RHBDD1: variants seen among roughly 807,000 people sequenced by gnomAD.
RHBDD1 encodes the protein rhomboid-related protein 4.
A neutral mutation model predicts 36.3 loss-of-function variants in RHBDD1; 38 were observed. That is an observed-to-expected ratio of 1.05 (90% confidence interval 0.81 to 1.37). The LOEUF (loss-of-function observed/expected upper bound fraction) is 1.37. Ranked by LOEUF, RHBDD1 falls within the 40% of genes most tolerant of loss-of-function variation. The probability of loss-of-function intolerance (pLI) is 0.00; values close to 1 mark genes in which losing one functional copy is unlikely to be tolerated. For synonymous variants in RHBDD1, 151 were observed against 136.5 expected, an observed-to-expected ratio of 1.11 and a Z score of -0.74; for missense variants, 393 against 377.6, an observed-to-expected ratio of 1.04 and a Z score of -0.34.
chr2:226,946,480 A>G (rs1951000842), intron 8 of RHBDD1, among the ~76,000 whole-genome samples: 1 of 152,160 alleles, frequency 6.6e-6, no homozygotes, highest in African/African-American at 2.4e-5. Context: ...AGAAGACAAG[A>G]AATTACTAAG....
chr2:226,872,021 G>T (rs1436746179), intron 5 of RHBDD1, among the ~76,000 whole-genome samples: 1 of 152,080 alleles, frequency 6.6e-6, no homozygotes, highest in African/African-American at 2.4e-5. Flanking sequence ...TTTATTTTAG[G>T]GGGAATTATA....
chr2:226,980,437 G>C (rs1329489152), intron 8 of RHBDD1, among the ~76,000 whole-genome samples: 1 of 152,124 alleles, frequency 6.6e-6, no homozygotes, highest in Non-Finnish European at 1.5e-5. Flanking sequence ...TTGGGGTGTG[G>C]TTCTGTGCCT....
chr2:226,882,714 C>G (rs921542077), intron 5 of RHBDD1, among the ~76,000 whole-genome samples: 3 of 152,014 alleles, frequency 2.0e-5, no homozygotes, highest in Non-Finnish European at 4.4e-5. Context: ...TCTGGCATAT[C>G]ATGTAGTAGT....
At chr2:226,835,633 G>C (rs1225844732), upstream of RHBDD1, 1 of 152,286 alleles carries the variant, frequency 6.6e-6, no homozygotes, top group Non-Finnish European at 1.5e-5. Context: ...GAAGCTTCCC[G>C]GCAGAGAACC....
At chr2:226,919,473 TA>T (rs1949152279) in intron 8 of RHBDD1, among the ~76,000 whole-genome samples, 1 of 152,174 alleles carries the variant, frequency 6.6e-6, no homozygotes, top group African/African-American at 2.4e-5. Flanking sequence ...TGTAAGTCTT[TA>T]ATCCATTTCA....
chr2:226,972,116 C>G (rs547955509), intron 8 of RHBDD1, among the ~76,000 whole-genome samples: 14 of 152,064 alleles, frequency 9.2e-5, no homozygotes, highest in Non-Finnish European at 1.3e-4. Flanking sequence ...GTGTGCTGTT[C>G]CACTCCCTGT....
chr2:226,931,672 G>GGA (rs1950039739), intron 8 of RHBDD1, among the ~76,000 whole-genome samples: 1 of 151,880 alleles, frequency 6.6e-6, no homozygotes, highest in Non-Finnish European at 1.5e-5. Context: ...ATCTATTTCT[G>GGA]GACTTTCTGT....
At chr2:226,817,572 A>C in the RHBDD1 span, among the ~76,000 whole-genome samples, 1 of 152,362 alleles carries the variant, frequency 6.6e-6, no homozygotes, top group East Asian at 1.9e-4. Context: ...GTAATTGAAC[A>C]ACCCAAATAC....
chr2:226,964,081 ATATTCT>A (rs1952433175), intron 8 of RHBDD1, among the ~76,000 whole-genome samples: 2 of 152,084 alleles, frequency 1.3e-5, no homozygotes, highest in African/African-American at 4.8e-5. Flanking sequence ...ACACTGAAAG[ATATTCT>A]TAGTCTCTCT....
intron 3 of RHBDD1, among the ~76,000 whole-genome samples, chr2:226,844,151 T>C (rs1199989449): frequency 2.6e-5 from 4 of 152,370 alleles, no homozygotes; most frequent in Admixed American, 6.5e-5. Context: ...AGAACCAGCT[T>C]CAAAAGTTGT....
At chr2:226,982,763 TTCA>T (rs1956060187) in intron 8 of RHBDD1, among the ~76,000 whole-genome samples, 1 of 152,202 alleles carries the variant, frequency 6.6e-6, no homozygotes, top group Non-Finnish European at 1.5e-5. Context: ...TGTTCTTTCA[TTCA>T]TTCCTCAAGC....
intron 8 of RHBDD1, among the ~76,000 whole-genome samples, chr2:226,929,656 G>A (rs936419783): frequency 3.3e-5 from 5 of 152,092 alleles, no homozygotes; most frequent in Middle Eastern, 3.4e-3. Flanking sequence ...AGCTAGAGCA[G>A]TCAGGCAAGA....
At chr2:226,841,712 T>A (rs1941654190) in intron 3 of RHBDD1, among the ~76,000 whole-genome samples, 2 of 152,242 alleles carry the variant, frequency 1.3e-5, no homozygotes, top group African/African-American at 4.8e-5. Flanking sequence ...GGCATTTAGG[T>A]CAATTCCATG....
At chr2:226,819,977 G>GTTTTTTTTTTTT in the RHBDD1 span, among the ~76,000 whole-genome samples, 1 of 118,282 alleles carries the variant, frequency 8.5e-6, no homozygotes, top group Non-Finnish European at 1.8e-5. Context: ...TATTGTGTGT[G>GTTTTTTTTTTTT]TTTTTTTTTT....
At chr2:226,893,164 G>A (rs1057189467) in intron 5 of RHBDD1, among the ~76,000 whole-genome samples, 8 of 152,010 alleles carry the variant, frequency 5.3e-5, no homozygotes, top group African/African-American at 1.7e-4. Context: ...TCTACCATAG[G>A]GCCATGGAAT....
intron 3 of RHBDD1, among the ~76,000 whole-genome samples, chr2:226,848,608 T>G (rs1942474763): frequency 6.6e-6 from 1 of 152,164 alleles, no homozygotes; most frequent in Non-Finnish European, 1.5e-5. Flanking sequence ...GAAAGGCTCA[T>G]GTAAAGAATC....
rs1941368730 is a variant in RHBDD1, at chr2:226,839,406, C to G, written c.-309-3C>G. ...CAATGGACCTCATATTTTTTTTCAA[C>G]AGGGAGCCTCTTAAACAGAATCTTA... On this transcript the variant is annotated splice_region_variant and splice_polypyrimidine_tract_variant and intron_variant, in intron 2 of 8. Coordinates refer to ENST00000392062, the MANE Select transcript of RHBDD1 (RefSeq NM_001167608.3). The G allele has an allele frequency of 6.6e-6, 1 of 151,834 alleles. No homozygotes were observed. Among genetic ancestry groups the G allele is most frequent in the African/African-American group, 2.4e-5 (1 of 41,324 alleles). 9.4% of individuals were successfully genotyped at this position (151,834 alleles called of 1,614,324 possible). A position where few individuals can be genotyped will look rare whatever the true frequency, so the allele number is the denominator to read the frequency against.
intron 8 of RHBDD1, among the ~76,000 whole-genome samples, chr2:226,930,294 T>G (rs893810684): frequency 6.6e-6 from 1 of 152,104 alleles, no homozygotes; most frequent in Non-Finnish European, 1.5e-5. Flanking sequence ...AGCATGGTAC[T>G]GCTGTAAAAG....
At chr2:226,902,820 A>G (rs894851733) in intron 5 of RHBDD1, among the ~76,000 whole-genome samples, 90 of 152,228 alleles carry the variant, frequency 5.9e-4, no homozygotes, top group African/African-American at 2.1e-3. Flanking sequence ...ATTTGAAATT[A>G]TATTAGGGCA....
Sources: allele counts gnomAD v4.1 joint callset (sites outside exome capture counted in the v4.1 genomes callset), GRCh38; gene constraint gnomAD v4.1.1; transcripts MANE v1.5; gene names NCBI Gene and HGNC (gene_info 2026-07-23, HGNC 2026-07-21).